ALK: variants seen among roughly 807,000 people sequenced by gnomAD.
ALK encodes the protein ALK receptor tyrosine kinase, also known as ALK tyrosine kinase receptor.
ALK carries 74 observed loss-of-function variants against 163.1 expected under a neutral mutation model. The observed-to-expected ratio is 0.45, with a 90% CI of 0.38 to 0.55. ALK has a LOEUF of 0.55. Among genes scored for constraint, ALK ranks in the 20% least tolerant of loss-of-function variants. The pLI is 0.00. For synonymous variants in ALK, 960 were observed against 843.2 expected (o/e 1.14, Z -2.40); for missense variants, 2,063 against 2,105.3 (o/e 0.98, Z 0.39).
intron 4 of ALK, among the ~76,000 whole-genome samples, chr2:29,476,448 T>C (rs1282012571): frequency 6.6e-6 from 1 of 151,866 alleles, no homozygotes; most frequent in East Asian, 1.9e-4. Flanking sequence ...TGAATCAAAA[T>C]ATCAAGAAGG....
intron 4 of ALK, among the ~76,000 whole-genome samples, chr2:29,462,854 A>T (rs1215853081): frequency 1.3e-5 from 2 of 152,182 alleles, no homozygotes; most frequent in African/African-American, 4.8e-5. Context: ...TTTTCCCCAT[A>T]GGAATTATGT....
At chr2:29,554,406 A>G (rs1673792291) in intron 3 of ALK, among the ~76,000 whole-genome samples, 2 of 152,194 alleles carry the variant, frequency 1.3e-5, no homozygotes, top group Non-Finnish European at 2.9e-5. Context: ...GAAGATTTAG[A>G]AAAGAGCTTG....
intron 5 of ALK, among the ~76,000 whole-genome samples, chr2:29,373,257 G>A (rs1015565010): frequency 3.9e-5 from 6 of 152,134 alleles, no homozygotes; most frequent in African/African-American, 1.4e-4. Context: ...TGAATTAAAA[G>A]TTATGAAATA....
intron 4 of ALK, among the ~76,000 whole-genome samples, chr2:29,457,238 G>A (rs928453173): frequency 2.6e-5 from 4 of 152,072 alleles, no homozygotes; most frequent in Non-Finnish European, 5.9e-5. Context: ...AAATGTAGGA[G>A]CTGGAATCTT....
In ALK at chr2:29,193,739, C is replaced by T. The variant is rs1346420173; in HGVS notation, c.4348G>A (p.Gly1450Ser). The T allele has an allele frequency of 1.6e-5, 26 of 1,602,410 alleles. No individual in the cohort carries two copies. Among genetic ancestry groups the T allele is most frequent in the Non-Finnish European group, 2.2e-5 (26 of 1,173,198 alleles). Residue 1450 changes from glycine (G) to serine (S), a missense_variant, in exon 29 of 29, where the codon GGC becomes AGC. Gly to Ser is a moderately conservative substitution (Grantham distance 56, BLOSUM62 0). Coordinates refer to ENST00000389048, the MANE Select transcript of ALK (RefSeq NM_004304.5). ...GCTGTGGGTTTCTTTGCAGCCTTGCCAGAGGAGGTGGTAGGCAGAGGTGGT... is the reference window on the plus strand; with the variant it reads ...GCTGTGGGTTTCTTTGCAGCCTTGCTAGAGGAGGTGGTAGGCAGAGGTGGT... ...APPPLPTTSS[G>S]KAAKKPTAAE... is the part of the protein sequence containing the mutation.
chr2:29,897,324 T>C (rs1274166835), intron 1 of ALK, among the ~76,000 whole-genome samples: 1 of 150,794 alleles, frequency 6.6e-6, no homozygotes, highest in Non-Finnish European at 1.5e-5. Flanking sequence ...CTGGACAGAG[T>C]GAGACTCCAT....
intron 4 of ALK, among the ~76,000 whole-genome samples, chr2:29,501,480 C>T (rs946421170): frequency 6.6e-6 from 1 of 152,206 alleles, no homozygotes; most frequent in Non-Finnish European, 1.5e-5. Flanking sequence ...CAAATTCTCA[C>T]CACTCTTCCC....
At chr2:29,597,696 A>G (rs1675251891) in intron 3 of ALK, among the ~76,000 whole-genome samples, 1 of 152,222 alleles carries the variant, frequency 6.6e-6, no homozygotes, top group Admixed American at 6.5e-5. Flanking sequence ...GATTTTAATA[A>G]AAGTTTTAAT....
intron 4 of ALK, among the ~76,000 whole-genome samples, chr2:29,416,204 T>C (rs943459910): frequency 5.3e-5 from 8 of 152,148 alleles, no homozygotes; most frequent in Non-Finnish European, 8.8e-5. Flanking sequence ...GCCCGAAGGC[T>C]ACATGTCAGG....
chr2:29,776,457 TTC>T (rs1681179565), intron 1 of ALK, among the ~76,000 whole-genome samples: 1 of 90,404 alleles, frequency 1.1e-5, no homozygotes, highest in Non-Finnish European at 2.8e-5. Flanking sequence ...GGAGGGCAGC[TTC>T]TCTCTGATCC....
rs1374575550 is a variant in ALK at position 29,246,840 on chromosome 2, G to A, written c.2204+4265C>T. Among the ~76,000 whole-genome samples, 1 of 152,100 alleles carries A rather than the reference G, an allele frequency of 6.6e-6. No homozygotes were observed. On this transcript the variant is annotated intron_variant, in intron 12 of 28. Transcript: ENST00000389048. This position sits in a 1 kb window ranked among gnomAD's most constrained non-coding sequence, Gnocchi z 4.3. ...CAACTGCTCTCCCCACCTCCAGGCCGTTTCTCTCACTTCCACCCTCATGCT... is the reference window on the plus strand; with the variant it reads ...CAACTGCTCTCCCCACCTCCAGGCCATTTCTCTCACTTCCACCCTCATGCT...
chr2:29,566,188 G>A (rs1461279920), intron 3 of ALK, among the ~76,000 whole-genome samples: 2 of 152,168 alleles, frequency 1.3e-5, no homozygotes, highest in African/African-American at 2.4e-5. Context: ...GCATGTTCGC[G>A]AGGGCCATTC....
At chr2:29,687,740 T>C (rs61414285) in intron 3 of ALK, among the ~76,000 whole-genome samples, 2,667 of 152,258 alleles carry the variant, frequency 0.018, 71 homozygotes, top group African/African-American at 0.06. Flanking sequence ...TTACAAACAA[T>C]TTCTACTACA....
intron 4 of ALK, among the ~76,000 whole-genome samples, chr2:29,506,401 AG>A (rs1672322951): frequency 6.6e-6 from 1 of 152,190 alleles, no homozygotes; most frequent in Non-Finnish European, 1.5e-5. Flanking sequence ...AGGTATAAAC[AG>A]GGTGAGCTCA....
intron 1 of ALK, among the ~76,000 whole-genome samples, chr2:29,900,294 ACCTAACAGGGAGCCCTG>A (rs753999621): frequency 7.3e-4 from 111 of 152,212 alleles, no homozygotes; most frequent in Non-Finnish European, 1.4e-3. Context: ...GAGATGGGCC[ACCTAACAGGGAGCCCTG>A]GACACTCAAG....
chr2:29,626,634 A>G (rs1423910108), intron 3 of ALK, among the ~76,000 whole-genome samples: 1 of 152,132 alleles, frequency 6.6e-6, no homozygotes, highest in African/African-American at 2.4e-5. Flanking sequence ...AGTGATCAGA[A>G]CTGGCACTCT....
chr2:29,577,110 ACTT>A (rs1401104636), intron 3 of ALK, among the ~76,000 whole-genome samples: 2 of 152,080 alleles, frequency 1.3e-5, no homozygotes, highest in Non-Finnish European at 2.9e-5. Flanking sequence ...GCTCTGGAGA[ACTT>A]CTTAGATGCC....
intron 3 of ALK, among the ~76,000 whole-genome samples, chr2:29,593,240 C>G (rs980523926): frequency 1.3e-5 from 2 of 152,078 alleles, no homozygotes; most frequent in African/African-American, 4.8e-5. Flanking sequence ...TTTGTGGGAA[C>G]AAAGGATAAG....
chr2:29,348,413 C>T (rs1668017020), intron 5 of ALK, among the ~76,000 whole-genome samples: 1 of 152,214 alleles, frequency 6.6e-6, no homozygotes, highest in Non-Finnish European at 1.5e-5. Flanking sequence ...CCCAGGGGCT[C>T]AGCTCATTAA....
Sources: allele counts gnomAD v4.1 joint callset (sites outside exome capture counted in the v4.1 genomes callset), GRCh38; gene constraint gnomAD v4.1.1; non-coding constraint Gnocchi (gnomAD v3.1); transcripts MANE v1.5; gene names NCBI Gene and HGNC (gene_info 2026-07-23, HGNC 2026-07-21).